The following BAIAP2L1 variants were observed in gnomAD, a reference collection of about 807,000 sequenced individuals.
BAIAP2L1 encodes the protein BAR/IMD domain containing adaptor protein 2 like 1, also known as BAR/IMD domain-containing adapter protein 2-like 1.
Under a neutral mutation model 66.3 loss-of-function variants are expected in BAIAP2L1, and 35 were observed. That is an observed-to-expected ratio of 0.53 (90% CI 0.40 to 0.70). The LOEUF is 0.70. BAIAP2L1 is among the 30% of genes least tolerant of loss of function. The probability of loss-of-function intolerance (pLI) is 0.00; values close to 1 mark genes in which losing one functional copy is unlikely to be tolerated. For missense variants in BAIAP2L1, 622 were observed against 656.9 expected, an observed-to-expected ratio of 0.95 and a Z score of 0.58; for synonymous variants, 269 against 248.7, an observed-to-expected ratio of 1.08 and a Z score of -0.77.
intron 3 of BAIAP2L1, among the ~76,000 whole-genome samples, chr7:98,330,690 T>C (rs1262108207): frequency 1.3e-5 from 2 of 151,604 alleles, no homozygotes; most frequent in Non-Finnish European, 2.9e-5. Flanking sequence ...ATAAAGGAGG[T>C]TTATTTGGCT....
chr7:98,322,099 G>GC (rs1178395884), intron 3 of BAIAP2L1, among the ~76,000 whole-genome samples: 2 of 151,870 alleles, frequency 1.3e-5, no homozygotes, highest in African/African-American at 2.4e-5. Flanking sequence ...CTGTCTCCCC[G>GC]CCCCCCAAAA....
chr7:98,320,846 G>A (rs1472477352), intron 3 of BAIAP2L1, among the ~76,000 whole-genome samples: 2 of 136,246 alleles, frequency 1.5e-5, no homozygotes, highest in African/African-American at 2.5e-5. Context: ...AAATTCACAT[G>A]AGTCTTTCTG....
At chr7:98,355,187 A>G in intron 2 of BAIAP2L1, 59 bp from the exon 3 acceptor site, 1 of 1,256,678 alleles carries the variant, frequency 8.0e-7, no homozygotes, top group Non-Finnish European at 1.2e-6. Flanking sequence ...AGGAAGCAAC[A>G]CAAGTTTTCT....
intron 9 of BAIAP2L1, 65 bp downstream of exon 9, chr7:98,310,380 T>C (rs1452513754): frequency 3.3e-6 from 5 of 1,517,710 alleles, no homozygotes; most frequent in Non-Finnish European, 8.9e-7. Flanking sequence ...AAAATATTTA[T>C]TTCACAGCTT....
chr7:98,386,790 C>G (rs1001219145), intron 1 of BAIAP2L1, among the ~76,000 whole-genome samples: 3 of 146,556 alleles, frequency 2.0e-5, no homozygotes, highest in Non-Finnish European at 4.5e-5. Flanking sequence ...ACCTCTGCCT[C>G]CAGGTTTCAA....
intron 7 of BAIAP2L1, among the ~76,000 whole-genome samples, chr7:98,312,598 G>A (rs565731060): frequency 6.6e-6 from 1 of 152,270 alleles, no homozygotes; most frequent in African/African-American, 2.4e-5. Context: ...CGTTTTCCAG[G>A]TGGCCCCAGA....
chr7:98,305,772 G>A (rs1005003884), intron 11 of BAIAP2L1, among the ~76,000 whole-genome samples: 6 of 152,200 alleles, frequency 3.9e-5, no homozygotes, highest in Admixed American at 6.5e-5. Context: ...TCTGCTGTGA[G>A]AATTAAGTGA....
Position 98,293,384 on chromosome 7 carries a change from G to T in BAIAP2L1, c.*137C>A. 1.3e-6 allele frequency: 1 copy of T among 770,976 alleles called. No individual in the cohort carries two copies. The highest frequency in any genetic ancestry group is 1.7e-5 in the South Asian group (1 of 57,356). The allele number at this position is 770,976 out of a possible 1,614,324, so 47.8% of individuals were successfully genotyped here. ...CCAACTACGTGAAACAGAGAAGCATGATTTGCTTAAGCAGGCGACATTAGA... is the reference window on the plus strand; with the variant it reads ...CCAACTACGTGAAACAGAGAAGCATTATTTGCTTAAGCAGGCGACATTAGA... On this transcript the variant is annotated 3_prime_UTR_variant, in exon 14 of 14. Coordinates refer to ENST00000005260, the MANE Select transcript of BAIAP2L1 (RefSeq NM_018842.5).
chr7:98,302,957 T>A (rs1350872091), intron 12 of BAIAP2L1, among the ~76,000 whole-genome samples: 1 of 152,122 alleles, frequency 6.6e-6, no homozygotes. Flanking sequence ...GCTAATTTTT[T>A]ATATTTTTTG....
intron 12 of BAIAP2L1, among the ~76,000 whole-genome samples, chr7:98,302,247 C>T (rs736754): frequency 0.4 from 61,139 of 152,054 alleles, 13,412 homozygotes; most frequent in Middle Eastern, 0.54. Context: ...AAGCTTTATC[C>T]ACACGATAAA....
chr7:98,355,644 G>A lies in BAIAP2L1; in HGVS notation c.128-516C>T, dbSNP rs567116707. Reference sequence around the variant, plus strand: ...CTTGGGAGGCTGAGGTGAGAGGATCGCTTGAGCCCAGGAGGCGGAGGTTGC... The same window carrying A: ...CTTGGGAGGCTGAGGTGAGAGGATCACTTGAGCCCAGGAGGCGGAGGTTGC... On this transcript the variant is annotated intron_variant, in intron 2 of 13. Transcript: ENST00000005260. 3.9e-3 allele frequency among the ~76,000 whole-genome samples: 594 copies of A among 152,036 alleles called. 1 individual carries two copies. The highest frequency in any genetic ancestry group is 0.017 in the Middle Eastern group (5 of 292).
At chr7:98,346,630 ATT>A (rs1215786347) in intron 3 of BAIAP2L1, among the ~76,000 whole-genome samples, 1 of 152,234 alleles carries the variant, frequency 6.6e-6, no homozygotes, top group East Asian at 1.9e-4. Context: ...AGTTGCAGTA[ATT>A]AAGACAGTCT....
At chr7:98,315,104 T>G (rs894580904) in intron 7 of BAIAP2L1, among the ~76,000 whole-genome samples, 1 of 152,146 alleles carries the variant, frequency 6.6e-6, no homozygotes, top group African/African-American at 2.4e-5. Flanking sequence ...GTGAGTGGCG[T>G]GCATGTGTGT....
chr7:98,323,989 C>A (rs943179727), intron 3 of BAIAP2L1, among the ~76,000 whole-genome samples: 1 of 152,090 alleles, frequency 6.6e-6, no homozygotes, highest in Non-Finnish European at 1.5e-5. Flanking sequence ...AGTTCGGTAA[C>A]CTACTTTTTC....
At chr7:98,311,980 A>T (rs1292802973) in intron 8 of BAIAP2L1, 117 bp downstream of exon 8, 1 of 1,061,312 alleles carries the variant, frequency 9.4e-7, no homozygotes. Context: ...AGGTGCGAAA[A>T]GGTGGTCCTG....
At chr7:98,352,637 G>A (rs913782265) in intron 3 of BAIAP2L1, among the ~76,000 whole-genome samples, 22 of 151,968 alleles carry the variant, frequency 1.4e-4, no homozygotes, top group Non-Finnish European at 2.4e-4. Flanking sequence ...GTGAGGTTCC[G>A]TCTCAAAAAA....
intron 1 of BAIAP2L1, among the ~76,000 whole-genome samples, chr7:98,394,384 G>A (rs745506526): frequency 2.0e-4 from 31 of 152,162 alleles, no homozygotes; most frequent in Non-Finnish European, 3.4e-4. Context: ...TGGCCTCTCA[G>A]ACCAGAATTT....
intron 3 of BAIAP2L1, 140 bp downstream of exon 3, chr7:98,354,902 T>A (rs1802084134): frequency 3.0e-6 from 2 of 665,294 alleles, no homozygotes; most frequent in African/African-American, 3.6e-5. Context: ...AGCATCAATT[T>A]CCACAGACCG....
At chr7:98,327,876 A>G (rs1801408947) in intron 3 of BAIAP2L1, among the ~76,000 whole-genome samples, 1 of 152,110 alleles carries the variant, frequency 6.6e-6, no homozygotes, top group Non-Finnish European at 1.5e-5. Flanking sequence ...GGAAATGGAG[A>G]AGTGTGTTAA....
Sources: gnomAD v4.1 joint callset for allele counts (sites outside exome capture counted in the v4.1 genomes callset) on GRCh38, gnomAD v4.1.1 for gene constraint, MANE v1.5 for transcripts, NCBI Gene and HGNC (gene_info 2026-07-23, HGNC 2026-07-21) for gene names.